DYNC2I1: variants seen among roughly 807,000 people sequenced by gnomAD.
DYNC2I1 encodes the protein cytoplasmic dynein 2 intermediate chain 1.
In DYNC2I1, 89 loss-of-function variants were observed where a neutral mutation model predicts 133.4. The observed-to-expected ratio is 0.67, with a 90% CI of 0.56 to 0.80. The LOEUF is 0.80. Ranked by LOEUF, DYNC2I1 falls within the 30% of genes least tolerant of loss-of-function variation. The probability of loss-of-function intolerance (pLI) is 0.00; values close to 1 mark genes in which losing one functional copy is unlikely to be tolerated. For synonymous variants in DYNC2I1, 504 were observed against 484.3 expected, an observed-to-expected ratio of 1.04 and a Z score of -0.54; for missense variants, 1,291 against 1,314.5, an observed-to-expected ratio of 0.98 and a Z score of 0.28.
chr7:158,920,543 G>A (rs1848962815), intron 15 of DYNC2I1, among the ~76,000 whole-genome samples: 1 of 152,106 alleles, frequency 6.6e-6, no homozygotes, highest in Non-Finnish European at 1.5e-5. Context: ...AACTCGTGAA[G>A]TGTATGTGTG....
At position 158,915,086 on chromosome 7, in the gene DYNC2I1, G is replaced by A. The variant is rs373758622; in HGVS notation, c.1791+765G>A. On this transcript the variant is annotated intron_variant, in intron 14 of 24. Coordinates refer to ENST00000407559, the MANE Select transcript of DYNC2I1 (RefSeq NM_018051.5). ...AGATTAAGGATGATTGTGAAACCTC[G>A]ACATGCTGGTTGACATTAAGGATGA... 5.4e-5 allele frequency among the ~76,000 whole-genome samples: 7 copies of A among 128,738 alleles called. No homozygotes were observed. The South Asian group carries it at 7.2e-4, about 13-fold the overall frequency. 84.5% of individuals were successfully genotyped at this position (128,738 alleles called of 152,430 possible).
chr7:158,955,643 G>T (rs1015207739), intron 4 of DYNC2I1, among the ~76,000 whole-genome samples: 1 of 152,196 alleles, frequency 6.6e-6, no homozygotes, highest in African/African-American at 2.4e-5. Flanking sequence ...GCCTGCAGGC[G>T]TATTTTGTTT....
intron 4 of DYNC2I1, among the ~76,000 whole-genome samples, chr7:158,955,623 C>G (rs1852179316): frequency 6.6e-6 from 1 of 152,224 alleles, no homozygotes; most frequent in South Asian, 2.1e-4. Flanking sequence ...TAACATAAAT[C>G]AGAGGTCCTG....
intron 3 of DYNC2I1, among the ~76,000 whole-genome samples, chr7:158,872,670 T>C (rs1240257060): frequency 1.3e-5 from 2 of 151,122 alleles, no homozygotes; most frequent in Admixed American, 6.6e-5. Context: ...GGAATAACAA[T>C]TTTCTCATTA....
chr7:158,905,007 A>C (rs1451947125), intron 10 of DYNC2I1: 1 of 298,464 alleles, frequency 3.4e-6, no homozygotes, highest in African/African-American at 2.3e-5. Flanking sequence ...ATAAATATAC[A>C]AACAAATAAA....
rs1850268881 is a variant in DYNC2I1 at position 158,932,032 on chromosome 7, C to G, written c.2546+1517C>G. ...GTGAGGCAGGTCCCACGGCCAACTC[C>G]CCAGGGCCCAGGAGTTGTGAGCTGG... On this transcript the variant is annotated intron_variant, in intron 21 of 24. Transcript: ENST00000407559. 5.3e-5 allele frequency among the ~76,000 whole-genome samples: 8 copies of G among 152,242 alleles called. No homozygotes were observed. In the South Asian group the frequency reaches 1.7e-3, roughly 32 times the overall value.
At chr7:158,933,587 T>G (rs892067382) in intron 21 of DYNC2I1, among the ~76,000 whole-genome samples, 1 of 152,200 alleles carries the variant, frequency 6.6e-6, no homozygotes, top group African/African-American at 2.4e-5. Flanking sequence ...TGAGTGGGTG[T>G]GTGGGAACCC....
At chr7:158,909,144 A>C (rs1847128965) in intron 11 of DYNC2I1, among the ~76,000 whole-genome samples, 1 of 151,884 alleles carries the variant, frequency 6.6e-6, no homozygotes, top group Admixed American at 6.6e-5. Context: ...CAGCCTGGCC[A>C]ACATGGTGAA....
At chr7:158,915,685 C>CTATA in intron 14 of DYNC2I1, among the ~76,000 whole-genome samples, 1 of 120,928 alleles carries the variant, frequency 8.3e-6, no homozygotes, top group South Asian at 2.3e-4. Context: ...TGTGAAACGT[C>CTATA]GACACGCTGG....
intron 1 of DYNC2I1, chr7:158,869,437 C>T (rs1395646496): frequency 2.1e-6 from 1 of 471,488 alleles, no homozygotes; most frequent in East Asian, 6.9e-5. Flanking sequence ...CTGGGTTGAG[C>T]CCAGCGGCCG....
Position 158,942,147 on chromosome 7 carries a change from A to C in DYNC2I1, c.3001A>C (p.Arg1001=). 6.5e-7 allele frequency: 1 copy of C among 1,538,140 alleles called. No homozygotes were observed. Among genetic ancestry groups the C allele is most frequent in the Non-Finnish European group, 8.8e-7 (1 of 1,139,590 alleles). The change falls in exon 24 of 25, where the codon AGG becomes CGG. Residue 1001 remains arginine, a splice_region_variant and synonymous_variant. Transcript: ENST00000407559. ...CGCCAAACAGCAGGTCTCCCCCAAC[A>C]GGCAAGTGGGGAAGCTCTGGACCAG... is the stretch of plus-strand genomic sequence containing the variant. ...PVAKQQVSPN[R]LVAMAAVGEP... is the part of the protein sequence containing the mutation.
chr7:158,856,175 T>A (rs575780346), upstream of DYNC2I1, among the ~76,000 whole-genome samples: 117 of 152,142 alleles, frequency 7.7e-4, no homozygotes, highest in Admixed American at 1.7e-3. Flanking sequence ...CTCGATCTCC[T>A]GACCTCATGA....
downstream of DYNC2I1, among the ~76,000 whole-genome samples, chr7:158,950,446 C>T (rs914692304): frequency 1.2e-4 from 18 of 144,690 alleles, no homozygotes; most frequent in Middle Eastern, 3.6e-3. Context: ...ATATACTGCA[C>T]GGGGACCAGC....
chr7:158,930,887 C>T (rs779909587), intron 21 of DYNC2I1, among the ~76,000 whole-genome samples: 12 of 151,988 alleles, frequency 7.9e-5, no homozygotes, highest in Non-Finnish European at 5.9e-5. Flanking sequence ...AGGCTGGTCT[C>T]GAACACCTGA....
the DYNC2I1 span, among the ~76,000 whole-genome samples, chr7:158,850,628 C>G: frequency 6.6e-6 from 1 of 152,208 alleles, no homozygotes; most frequent in African/African-American, 2.4e-5. Context: ...GGGACAAATC[C>G]TCCACTTCAT....
intron 11 of DYNC2I1, 61 bp downstream of exon 11, chr7:158,906,152 A>G: frequency 1.4e-6 from 2 of 1,446,890 alleles, no homozygotes; most frequent in East Asian, 2.3e-5. Context: ...TTTCTTTCAC[A>G]TACTTTTAAA....
chr7:158,915,348 G>A (rs1371925157), intron 14 of DYNC2I1, among the ~76,000 whole-genome samples: 12 of 119,884 alleles, frequency 1.0e-4, no homozygotes, highest in South Asian at 3.0e-4. Flanking sequence ...GTGAAACGTC[G>A]ACACGCTGGT....
intron 2 of DYNC2I1, 38 bp from the exon 3 acceptor site, chr7:158,871,104 T>G: frequency 5.1e-6 from 8 of 1,572,582 alleles, no homozygotes; most frequent in Non-Finnish European, 6.9e-6. Context: ...GAAATCTGCC[T>G]TCCTGGTCAC....
chr7:158,902,502 G>A lies in DYNC2I1; in HGVS notation c.1264G>A (p.Ala422Thr). The change falls in exon 10 of 25, where the codon GCT becomes ACT. Residue 422 changes from alanine to threonine, a missense_variant. Physicochemically the swap from Ala to Thr is moderately conservative, Grantham distance 58 (BLOSUM62 0). Coordinates refer to ENST00000407559, the MANE Select transcript of DYNC2I1 (RefSeq NM_018051.5). ...QKKEIQEIQR[A>T]INAENERIGE... ...AAAGGAAATACAAGAAATTCAAAGA[G>A]CTATTAATGCAGAAAATGAAAGGAT... 1.2e-6 allele frequency: 2 copies of A among 1,614,016 alleles called. No individual in the cohort carries two copies. Among genetic ancestry groups the A allele is most frequent in the Non-Finnish European group, 1.7e-6 (2 of 1,179,888 alleles).
Sources: gnomAD v4.1 joint callset for allele counts (sites outside exome capture counted in the v4.1 genomes callset) on GRCh38, gnomAD v4.1.1 for gene constraint, MANE v1.5 for transcripts, NCBI Gene and HGNC (gene_info 2026-07-23, HGNC 2026-07-21) for gene names.